TMEM143: variants seen among roughly 807,000 people sequenced by gnomAD.
The protein encoded by TMEM143 is transmembrane protein 143.
A neutral mutation model predicts 40.3 loss-of-function variants in TMEM143; 45 were observed. The observed-to-expected ratio is 1.12, with a 90% confidence interval of 0.88 to 1.43. The LOEUF is 1.43. Ranked by LOEUF, TMEM143 falls within the 40% of genes most tolerant of loss-of-function variation. The probability of loss-of-function intolerance (pLI) is 0.00; values close to 1 mark genes in which losing one functional copy is unlikely to be tolerated. For missense variants in TMEM143, 620 were observed against 613.4 expected (o/e 1.01, Z -0.11); for synonymous variants, 299 against 282.7 (o/e 1.06, Z -0.58).
chr19:48,363,624 C>T (rs1970121256), intron 1 of TMEM143, 93 bp from the exon 2 acceptor site: 1 of 1,496,646 alleles, frequency 6.7e-7, no homozygotes, highest in African/African-American at 1.4e-5. Context: ...GCCGTCTCTA[C>T]CCCAGGCAGG....
chr19:48,343,440 A>G lies in TMEM143; in HGVS notation c.576T>C (p.Asn192=), dbSNP rs1269257417. The change falls in exon 5 of 8, where the codon AAT becomes AAC. Residue 192 remains asparagine, a synonymous_variant. Coordinates refer to ENST00000293261, the MANE Select transcript of TMEM143 (RefSeq NM_018273.4). ...HPQDEVQVTV[N]LDQYVYIHFW... ...AGTGAATGTAGACATACTGATCCAA[A>G]TTTACTGTCACCTGCCGGGGGGATG... 6.3e-7 allele frequency: 1 copy of G among 1,578,880 alleles called. No homozygotes were observed. The highest frequency in any genetic ancestry group is 2.3e-5 in the East Asian group (1 of 43,280).
chr19:48,363,777 C>A (rs1970126038), intron 1 of TMEM143, 121 bp downstream of exon 1: 2 of 1,532,598 alleles, frequency 1.3e-6, no homozygotes, highest in African/African-American at 2.7e-5. Flanking sequence ...AGTGGTACAA[C>A]GTTTCTTTGG....
chr19:48,346,097 T>G (rs914482764), intron 3 of TMEM143, among the ~76,000 whole-genome samples: 1 of 146,960 alleles, frequency 6.8e-6, no homozygotes, highest in African/African-American at 2.5e-5. Flanking sequence ...TTCTTTTTCT[T>G]TCTCTTTTTT....
rs1162701689 is a variant in TMEM143, at chr19:48,360,111, G to A, written c.330C>T (p.Cys110=). The change falls in exon 3 of 8, where the codon TGC becomes TGT. Residue 110 remains cysteine (C), a synonymous_variant. Coordinates refer to ENST00000293261, the MANE Select transcript of TMEM143 (RefSeq NM_018273.4). ...LEAFSAHVDF[C]TLFHYHQILA... ...GGATTTGGTGGTAGTGGAACAGGGT[G>A]CAGAAGTCCACGTGGGCCGAGAACG... The A allele has an allele frequency of 2.5e-6, 4 of 1,614,044 alleles. No individual in the cohort carries two copies. Among genetic ancestry groups the A allele is most frequent in the East Asian group, 2.2e-5 (1 of 44,896 alleles).
Position 48,333,701 on chromosome 19 carries a change from G to C in TMEM143, c.1166-268C>G, listed in dbSNP as rs1969272596. On this transcript the variant is annotated intron_variant, in intron 7 of 7. Transcript: ENST00000293261. This position sits in a 1 kb window ranked among gnomAD's most constrained non-coding sequence, Gnocchi z 4.1. Reference sequence around the variant, plus strand: ...CTCCTGTAGGCAAGGGGACCACCTGGAGCCCACACAGGGAGCGCGCAGGAT... The same window carrying C: ...CTCCTGTAGGCAAGGGGACCACCTGCAGCCCACACAGGGAGCGCGCAGGAT... Among the ~76,000 whole-genome samples the C allele has an allele frequency of 6.6e-6, 1 of 151,640 alleles. No individual in the cohort carries two copies. The highest frequency in any genetic ancestry group is 1.5e-5 in the Non-Finnish European group (1 of 67,834).
In TMEM143 at chr19:48,345,364, G is replaced by A. The variant is rs201115543; in HGVS notation, c.370-10C>T. 12 of 1,518,198 alleles carry A rather than the reference G, an allele frequency of 7.9e-6. No individual in the cohort carries two copies. The highest frequency in any genetic ancestry group is 5.6e-5 in the African/African-American group (4 of 70,828). The allele number at this position is 1,518,198 out of a possible 1,614,324, so 94.0% of individuals were successfully genotyped here. A position where few individuals can be genotyped will look rare whatever the true frequency, so the allele number is the denominator to read the frequency against. On this transcript the variant is annotated splice_polypyrimidine_tract_variant and intron_variant, in intron 3 of 7. Transcript: ENST00000293261. ...TGGGGTCATATAAGGCCTAAGAGGA[G>A]AGTCAGAGAGAAAAAGATGGGATAG...
In TMEM143 at chr19:48,345,109, C is replaced by A. The variant is rs748090052; in HGVS notation, c.564+51G>T. 12 of 1,581,850 alleles carry A rather than the reference C, an allele frequency of 7.6e-6. No homozygotes were observed. The African/African-American group carries it at 1.4e-4, about 18-fold the overall frequency. ...CAGCCCATGCCTCTCAGAGGCTCTGCCCCACCCTAGAGGCCTCCTGGGAGT... is the reference window on the plus strand; with the variant it reads ...CAGCCCATGCCTCTCAGAGGCTCTGACCCACCCTAGAGGCCTCCTGGGAGT... On this transcript the variant is annotated intron_variant, in intron 4 of 7. Coordinates refer to ENST00000293261, the MANE Select transcript of TMEM143 (RefSeq NM_018273.4).
chr19:48,342,006 G>T (rs1969497635), intron 6 of TMEM143, among the ~76,000 whole-genome samples: 1 of 151,208 alleles, frequency 6.6e-6, no homozygotes, highest in African/African-American at 2.4e-5. Context: ...ACCCCCCTAA[G>T]GGGTGTTGAG....
rs569785060 is a variant in TMEM143, at chr19:48,343,347, G to A, written c.669C>T (p.Phe223=). The A allele has an allele frequency of 3.7e-5, 59 of 1,610,814 alleles. No homozygotes were observed. The highest frequency in any genetic ancestry group is 4.8e-5 in the Non-Finnish European group (57 of 1,179,216). Residue 223 remains phenylalanine, a synonymous_variant, in exon 5 of 8, where the codon TTC becomes TTT. Transcript: ENST00000293261. ...TCTCCGCAGGGGGCAGCTTGGTGAA[G>A]AAGCCACGCCTGGAGCCCACGCTGG... The part of the protein sequence containing the change: ...LKSSVGSRRG[F]FTKLPPAERR...
intron 3 of TMEM143, among the ~76,000 whole-genome samples, chr19:48,353,112 C>T (rs1569034323): frequency 6.6e-6 from 1 of 151,992 alleles, no homozygotes; most frequent in African/African-American, 2.4e-5. Context: ...TTCACAGATG[C>T]AGAACCCATG....
intron 3 of TMEM143, among the ~76,000 whole-genome samples, chr19:48,346,685 C>A (rs1363969616): frequency 6.6e-6 from 1 of 152,072 alleles, no homozygotes; most frequent in African/African-American, 2.4e-5. Context: ...TTAAGTGATT[C>A]TCCTGCCTCA....
intron 3 of TMEM143, 28 bp downstream of exon 3, chr19:48,360,044 C>T (rs1970002126): frequency 4.4e-6 from 7 of 1,607,208 alleles, no homozygotes; most frequent in Non-Finnish European, 6.0e-6. Context: ...GAACAAGCAC[C>T]ACAGGGCTGG....
At chr19:48,349,057 T>C (rs1394610449) in intron 3 of TMEM143, among the ~76,000 whole-genome samples, 1 of 152,042 alleles carries the variant, frequency 6.6e-6, no homozygotes, top group East Asian at 1.9e-4. Context: ...CCAGGCGTGG[T>C]GGTGCACACC....
intron 3 of TMEM143, among the ~76,000 whole-genome samples, chr19:48,353,991 C>G (rs545922815): frequency 6.6e-6 from 1 of 152,062 alleles, no homozygotes; most frequent in South Asian, 2.1e-4. Context: ...CATAGTCTCA[C>G]TCTGTTGCCC....
intron 6 of TMEM143, among the ~76,000 whole-genome samples, chr19:48,338,410 C>G (rs1307109751): frequency 6.6e-6 from 1 of 152,186 alleles, no homozygotes; most frequent in Non-Finnish European, 1.5e-5. Flanking sequence ...GCCCGGCACA[C>G]GAGGCCCTCC....
intron 3 of TMEM143, among the ~76,000 whole-genome samples, chr19:48,355,727 C>T (rs1157970961): frequency 2.6e-5 from 4 of 152,176 alleles, no homozygotes; most frequent in African/African-American, 4.8e-5. Flanking sequence ...AAGAAAGGAC[C>T]GGCCCTGGAC....
At chr19:48,344,357 C>G (rs966103630) in intron 4 of TMEM143, among the ~76,000 whole-genome samples, 1 of 151,634 alleles carries the variant, frequency 6.6e-6, no homozygotes, top group Non-Finnish European at 1.5e-5. Flanking sequence ...TCATGGCTGA[C>G]AGCTCACTGC....
chr19:48,356,098 C>A (rs1969884535), intron 3 of TMEM143, among the ~76,000 whole-genome samples: 1 of 151,986 alleles, frequency 6.6e-6, no homozygotes, highest in Non-Finnish European at 1.5e-5. Context: ...GGATTCTGCC[C>A]CATGTGCCTT....
chr19:48,345,941 T>A (rs1569030130), intron 3 of TMEM143, among the ~76,000 whole-genome samples: 1 of 134,852 alleles, frequency 7.4e-6, no homozygotes, highest in Non-Finnish European at 1.6e-5. Context: ...CACGCCACCA[T>A]GCCCGGTTAA....
Sources: gnomAD v4.1 joint callset for allele counts (sites outside exome capture counted in the v4.1 genomes callset) on GRCh38, gnomAD v4.1.1 for gene constraint, Gnocchi (gnomAD v3.1) non-coding constraint, MANE v1.5 for transcripts, NCBI Gene and HGNC (gene_info 2026-07-23, HGNC 2026-07-21) for gene names.